Variants in LPP observed in about 807,000 individuals in gnomAD.
LPP encodes lipoma-preferred partner.
A neutral mutation model predicts 60.4 loss-of-function variants in LPP; 38 were observed. That is an observed-to-expected ratio of 0.63 (90% CI 0.49 to 0.83). The LOEUF is 0.83. Among genes scored for constraint, LPP ranks in the 40% least tolerant of loss-of-function variants. The pLI is 0.00. For missense variants in LPP, 902 were observed against 783.6 expected (o/e 1.15, Z -1.80); for synonymous variants, 328 against 290.8 (o/e 1.13, Z -1.30).
chr3:188,418,032 TTGTA>T (rs1157682768), intron 4 of LPP, among the ~76,000 whole-genome samples: 2 of 152,202 alleles, frequency 1.3e-5, no homozygotes, highest in African/African-American at 4.8e-5. Context: ...TAAAATGTGT[TTGTA>T]TGAGTGTGCA....
At chr3:188,769,678 G>A (rs1735233970) in intron 9 of LPP, among the ~76,000 whole-genome samples, 1 of 152,192 alleles carries the variant, frequency 6.6e-6, no homozygotes, top group South Asian at 2.1e-4. Context: ...ATTAACGGCA[G>A]AGGTGGGACT....
intron 7 of LPP, among the ~76,000 whole-genome samples, chr3:188,645,075 C>T (rs1048297647): frequency 1.6e-4 from 25 of 152,078 alleles, no homozygotes; most frequent in East Asian, 3.8e-4. Flanking sequence ...AATACCTAGC[C>T]GCTTCTGGAA....
chr3:188,582,382 C>T lies in LPP; in HGVS notation c.430-26779C>T, dbSNP rs183854277. On this transcript the variant is annotated intron_variant, in intron 6 of 11. Coordinates refer to ENST00000617246, the MANE Select transcript of LPP (RefSeq NM_001375462.1). Reference sequence around the variant, plus strand: ...TTTTATTAGAGATGGGGTTTCACCACGTTGGCCAGTCTTGTCTCGAACTCC... The same window carrying T: ...TTTTATTAGAGATGGGGTTTCACCATGTTGGCCAGTCTTGTCTCGAACTCC... Among the ~76,000 whole-genome samples the T allele has an allele frequency of 9.9e-5, 15 of 151,596 alleles. No homozygotes were observed. The South Asian group carries it at 1.3e-3, about 13-fold the overall frequency.
Position 188,881,513 on chromosome 3 carries a change from A to G in LPP, c.*7034A>G. ...AAGGCTTTCTTTAGGGTTGAAAGTA[A>G]ACGAAATTGGAATCACCCAAAGAGA... On this transcript the variant is annotated 3_prime_UTR_variant, in exon 12 of 12. Coordinates refer to ENST00000617246, the MANE Select transcript of LPP (RefSeq NM_001375462.1). The G allele has an allele frequency of 4.7e-6, 1 of 214,034 alleles. No individual in the cohort carries two copies. Among genetic ancestry groups the G allele is most frequent in the East Asian group, 7.0e-5 (1 of 14,372 alleles). 13.3% of individuals were successfully genotyped at this position (214,034 alleles called of 1,614,324 possible).
chr3:188,840,724 TC>T (rs1432298026), intron 9 of LPP, among the ~76,000 whole-genome samples: 1 of 152,130 alleles, frequency 6.6e-6, no homozygotes, highest in Non-Finnish European at 1.5e-5. Flanking sequence ...GGTTTTGAAC[TC>T]CTGGCCACAA....
intron 6 of LPP, among the ~76,000 whole-genome samples, chr3:188,598,334 G>A (rs1367636635): frequency 2.0e-5 from 3 of 152,110 alleles, no homozygotes; most frequent in African/African-American, 7.2e-5. Context: ...ACGTACTAGA[G>A]GACAATAAGC....
rs1780046664 is a variant in LPP, at chr3:188,392,937, AC to A, written c.-9-13171del. Among the ~76,000 whole-genome samples, 3 of 152,264 alleles carry A rather than the reference AC, an allele frequency of 2.0e-5. No individual in the cohort carries two copies. The East Asian group carries it at 5.8e-4, about 29-fold the overall frequency. On this transcript the variant is annotated intron_variant, in intron 3 of 11. Transcript: ENST00000617246. ...CTGACTTTTCCCTCAACTCTGTGTAACCCCAATTTAGAAATGTGAAATAGTT... is the reference window on the plus strand; with the variant it reads ...CTGACTTTTCCCTCAACTCTGTGTAACCCAATTTAGAAATGTGAAATAGTT...
rs576266588 is a variant in LPP, at chr3:188,758,318, G to A, written c.1241-1795G>A. ...TGTGGTTACAGGCACACACCACCACGCCCAGCTATTTTTTGTATTTTTCAT... is the reference window on the plus strand; with the variant it reads ...TGTGGTTACAGGCACACACCACCACACCCAGCTATTTTTTGTATTTTTCAT... On this transcript the variant is annotated intron_variant, in intron 8 of 11. Coordinates refer to ENST00000617246, the MANE Select transcript of LPP (RefSeq NM_001375462.1). 7.2e-5 allele frequency among the ~76,000 whole-genome samples: 11 copies of A among 152,036 alleles called. No homozygotes were observed. In the South Asian group the frequency reaches 8.3e-4, roughly 11 times the overall value.
intron 3 of LPP, among the ~76,000 whole-genome samples, chr3:188,375,965 CA>C (rs1234885644): frequency 6.6e-6 from 1 of 152,114 alleles, no homozygotes; most frequent in African/African-American, 2.4e-5. Flanking sequence ...ATTATTTACC[CA>C]GTAGTCATTC....
At chr3:188,720,887 T>C (rs534532503) in intron 8 of LPP, among the ~76,000 whole-genome samples, 2 of 152,294 alleles carry the variant, frequency 1.3e-5, no homozygotes, top group South Asian at 2.1e-4. Context: ...TGTACACTAG[T>C]GACTTGCTGA....
intron 3 of LPP, among the ~76,000 whole-genome samples, chr3:188,383,670 A>C (rs1346405615): frequency 6.6e-6 from 1 of 152,216 alleles, no homozygotes; most frequent in East Asian, 1.9e-4. Flanking sequence ...CTTCCTTTTC[A>C]GCCAGTCCTT....
chr3:188,336,156 G>C (rs2150576469), intron 2 of LPP, among the ~76,000 whole-genome samples: 1 of 152,232 alleles, frequency 6.6e-6, no homozygotes, highest in Non-Finnish European at 1.5e-5. Context: ...CAAGGGGACT[G>C]CTCTTCATGT....
intron 3 of LPP, among the ~76,000 whole-genome samples, chr3:188,358,609 A>G (rs1768285796): frequency 6.6e-6 from 1 of 152,220 alleles, no homozygotes; most frequent in Admixed American, 6.5e-5. Flanking sequence ...CCAAGTAAAC[A>G]GAATAAACAG....
intron 8 of LPP, among the ~76,000 whole-genome samples, chr3:188,753,902 A>G (rs1577353304): frequency 6.6e-6 from 1 of 152,266 alleles, no homozygotes; most frequent in African/African-American, 2.4e-5. Context: ...AGAATCAGAT[A>G]TACACAAGCA....
chr3:188,809,369 C>T (rs1750172732), intron 9 of LPP, among the ~76,000 whole-genome samples: 1 of 152,018 alleles, frequency 6.6e-6, no homozygotes, highest in Admixed American at 6.6e-5. Flanking sequence ...TTTTAATAAT[C>T]GCCATTCTGA....
intron 8 of LPP, among the ~76,000 whole-genome samples, chr3:188,756,911 C>T (rs544652880): frequency 2.0e-5 from 3 of 152,322 alleles, no homozygotes; most frequent in African/African-American, 7.2e-5. Flanking sequence ...TACAGTCCAT[C>T]TGTTTTCATA....
intron 1 of LPP, among the ~76,000 whole-genome samples, chr3:188,183,439 AT>A (rs1168337832): frequency 6.6e-6 from 1 of 152,106 alleles, no homozygotes. Context: ...CTTTGTTCTG[AT>A]TCTTTTTTCA....
chr3:188,426,102 C>G (rs964485615), intron 4 of LPP, among the ~76,000 whole-genome samples: 1 of 150,056 alleles, frequency 6.7e-6, no homozygotes. Flanking sequence ...GCTATAAATT[C>G]CCCTCTAAAC....
At chr3:188,805,799 G>T (rs1052529494) in intron 9 of LPP, among the ~76,000 whole-genome samples, 1 of 151,520 alleles carries the variant, frequency 6.6e-6, no homozygotes, top group African/African-American at 2.4e-5. Flanking sequence ...TTTCATTCAA[G>T]ATATTTTCTA....
Sources: allele counts gnomAD v4.1 joint callset (sites outside exome capture counted in the v4.1 genomes callset), GRCh38; gene constraint gnomAD v4.1.1; transcripts MANE v1.5; gene names NCBI Gene and HGNC (gene_info 2026-07-23, HGNC 2026-07-21).